ARMC5: variants seen among roughly 807,000 people sequenced by gnomAD.
The protein encoded by ARMC5 is armadillo repeat-containing protein 5.
A neutral mutation model predicts 60.5 loss-of-function variants in ARMC5; 28 were observed. That is an observed-to-expected ratio of 0.46 (90% CI 0.34 to 0.63). ARMC5 has a LOEUF of 0.63. Among genes scored for constraint, ARMC5 ranks in the 30% least tolerant of loss-of-function variants. The pLI is 0.01. For synonymous variants in ARMC5, 680 were observed against 607.3 expected (o/e 1.12, Z -1.76); for missense variants, 1,189 against 1,304.9 (o/e 0.91, Z 1.37).
Position 31,462,382 on chromosome 16 carries a change from C to T in ARMC5, c.835C>T (p.Leu279=). The T allele has an allele frequency of 1.2e-6, 2 of 1,609,308 alleles. No homozygotes were observed. Among genetic ancestry groups the T allele is most frequent in the South Asian group, 2.2e-5 (2 of 90,890 alleles). Reference sequence around the variant, plus strand: ...CCGGGCCTGTGCTGAGCAGCTAAGTCTGGGTGGGGGATTGGGCCCACTCGT... The same window carrying T: ...CCGGGCCTGTGCTGAGCAGCTAAGTTTGGGTGGGGGATTGGGCCCACTCGT... The part of the protein sequence containing the change: ...CSRACAEQLS[L]GGGLGPLVSL... Residue 279 remains leucine (L), a synonymous_variant, in exon 3 of 6, where the codon CTG becomes TTG. Transcript: ENST00000268314. This position sits in a 1 kb window ranked among gnomAD's most constrained non-coding sequence, Gnocchi z 7.2.
At chr16:31,458,757 T>C (rs907248363), upstream of ARMC5, 37 of 1,485,890 alleles carry the variant, frequency 2.5e-5, no homozygotes, top group Admixed American at 6.5e-4. Flanking sequence ...GGGACGCGAA[T>C]GTCCCGCTCC....
In ARMC5 at chr16:31,466,659, C is replaced by T. The variant is rs1221712924; in HGVS notation, c.2578C>T (p.Leu860=). The T allele has an allele frequency of 1.3e-6, 2 of 1,585,154 alleles. No homozygotes were observed. Among genetic ancestry groups the T allele is most frequent in the South Asian group, 1.1e-5 (1 of 87,658 alleles). The change falls in exon 6 of 6, where the codon CTG becomes TTG. Residue 860 remains leucine (L), a synonymous_variant. Coordinates refer to ENST00000268314, the MANE Select transcript of ARMC5 (RefSeq NM_001105247.2). The surrounding 1 kb of genome is among the most constrained non-coding windows in gnomAD (Gnocchi z 8.0). ...GGAAGAGGCCGTGGGCCGCATCCAC[C>T]TGGGACCCCAGGGTGGCCCGGAGTC... ...ELEEAVGRIH[L]GPQGGPESVG...
chr16:31,459,552 G>T lies in ARMC5; in HGVS notation c.28G>T (p.Asp10Tyr). MAAAKPTLT[D>Y]SLSFCLAQLA... ...GGCGGCTGCGAAGCCAACCCTCACGGACTCGCTCTCGTTCTGCCTCGCGCA... is the reference window on the plus strand; with the variant it reads ...GGCGGCTGCGAAGCCAACCCTCACGTACTCGCTCTCGTTCTGCCTCGCGCA... The change falls in exon 1 of 6, where the codon GAC (aspartate) becomes TAC (tyrosine). Residue 10 changes from aspartate (D) to tyrosine (Y), a missense_variant. This residue lies in a region of ARMC5 where 327 missense variants were observed against 233.7 expected (regional missense o/e 1.40). Transcript: ENST00000268314. The T allele has an allele frequency of 6.2e-7, 1 of 1,606,370 alleles. No individual in the cohort carries two copies. Among genetic ancestry groups the T allele is most frequent in the Non-Finnish European group, 8.5e-7 (1 of 1,179,238 alleles).
chr16:31,466,663 G>T lies in ARMC5; in HGVS notation c.2582G>T (p.Gly861Val). The change falls in exon 6 of 6, where the codon GGA (glycine) becomes GTA (valine). Residue 861 changes from glycine (G) to valine (V), a missense_variant. This residue lies in a region of ARMC5 where 862 missense variants were observed against 1,071.2 expected (regional missense o/e 0.80). Transcript: ENST00000268314. This position sits in a 1 kb window ranked among gnomAD's most constrained non-coding sequence, Gnocchi z 8.0. ...GAGGCCGTGGGCCGCATCCACCTGG[G>T]ACCCCAGGGTGGCCCGGAGTCAGTG... The part of the protein sequence containing the change: ...LEEAVGRIHL[G>V]PQGGPESVGE... The T allele has an allele frequency of 6.3e-7, 1 of 1,583,474 alleles. No individual in the cohort carries two copies. Among genetic ancestry groups the T allele is most frequent in the South Asian group, 1.1e-5 (1 of 87,496 alleles).
At chr16:31,459,427 G>C (rs2082277993), upstream of ARMC5, 1 of 1,540,368 alleles carries the variant, frequency 6.5e-7, no homozygotes, top group Non-Finnish European at 8.7e-7. Flanking sequence ...GCGCTAAACA[G>C]CGTCAGCGAG....
rs1293014259 is a variant in ARMC5 at position 31,462,499 on chromosome 16, C to T, written c.952C>T (p.Leu318=). 4 of 1,611,796 alleles carry T rather than the reference C, an allele frequency of 2.5e-6. No homozygotes were observed. The highest frequency in any genetic ancestry group is 2.2e-5 in the East Asian group (1 of 44,874). Residue 318 remains leucine, a synonymous_variant, in exon 3 of 6, where the codon CTG becomes TTG. Transcript: ENST00000268314. The surrounding 1 kb of genome is among the most constrained non-coding windows in gnomAD (Gnocchi z 7.2). ...LCAQGLIRPA[L]GNAGGVEVLV... is the part of the protein sequence containing the mutation. ...TGCCCAGGGCCTGATTCGGCCTGCA[C>T]TGGGCAATGCTGGTGGCGTGGAGGT...
upstream of ARMC5, chr16:31,458,504 A>T: frequency 6.5e-7 from 1 of 1,535,696 alleles, no homozygotes; most frequent in South Asian, 1.2e-5. Context: ...GGACAACGGT[A>T]AGGCTTGTCA....
At chr16:31,458,648 G>A (rs949129231), upstream of ARMC5, 8 of 1,436,666 alleles carry the variant, frequency 5.6e-6, no homozygotes, top group Admixed American at 1.4e-4. Context: ...CAGGGCTAGA[G>A]CCTGACCATT....
At chr16:31,463,543 A>T (rs1440317252) in intron 3 of ARMC5, among the ~76,000 whole-genome samples, 1 of 152,094 alleles carries the variant, frequency 6.6e-6, no homozygotes, top group African/African-American at 2.4e-5. Context: ...TCATGAGCTG[A>T]AGCATCACAG....
chr16:31,465,049 G>T (rs559036715), intron 4 of ARMC5, 162 bp downstream of exon 4: 1 of 1,613,674 alleles, frequency 6.2e-7, no homozygotes, highest in East Asian at 2.2e-5. Flanking sequence ...GGGCGTTCCA[G>T]TCCCTCCATG....
upstream of ARMC5, chr16:31,458,659 T>C: frequency 6.9e-7 from 1 of 1,441,680 alleles, no homozygotes; most frequent in Non-Finnish European, 9.1e-7. Context: ...CCTGACCATT[T>C]TCCGGGCGGG....
chr16:31,458,869 C>A, upstream of ARMC5: 1 of 1,535,548 alleles, frequency 6.5e-7, no homozygotes. Flanking sequence ...AGCTCCTGAG[C>A]TCACGAGCAC....
Position 31,464,556 on chromosome 16 carries a change from C to T in ARMC5, c.1533C>T (p.Pro511=), listed in dbSNP as rs775473200. ...PRTQRTPGRS[P]AAAIEEPWGR... ...CCCAACGCACTCCGGGCCGCAGCCCCGCCGCCGCCATCGAGGAGCCTTGGG... is the reference window on the plus strand; with the variant it reads ...CCCAACGCACTCCGGGCCGCAGCCCTGCCGCCGCCATCGAGGAGCCTTGGG... Residue 511 remains proline (P), a synonymous_variant, in exon 4 of 6, where the codon CCC becomes CCT. Transcript: ENST00000268314. This position sits in a 1 kb window ranked among gnomAD's most constrained non-coding sequence, Gnocchi z 7.6. 9 of 1,583,958 alleles carry T rather than the reference C, an allele frequency of 5.7e-6. No homozygotes were observed. Among genetic ancestry groups the T allele is most frequent in the East Asian group, 2.3e-5 (1 of 43,454 alleles).
At chr16:31,458,588 A>T (rs1420591061), upstream of ARMC5, 4 of 1,471,402 alleles carry the variant, frequency 2.7e-6, no homozygotes, top group African/African-American at 5.6e-5. Context: ...CGGCACTCGC[A>T]GGTTTTGGGG....
At position 31,466,038 on chromosome 16, in the gene ARMC5, G is replaced by A. The variant is rs757441007; in HGVS notation, c.1998-41G>A. The A allele has an allele frequency of 3.1e-6, 5 of 1,592,778 alleles. No homozygotes were observed. Among genetic ancestry groups the A allele is most frequent in the Non-Finnish European group, 4.3e-6 (5 of 1,175,616 alleles). ...GGGGGAGGAGTGCTGTGTTTCCCAG[G>A]CCCGTTGCCCACCTTTTGAAAGGCC... On this transcript the variant is annotated intron_variant, in intron 5 of 5. Coordinates refer to ENST00000268314, the MANE Select transcript of ARMC5 (RefSeq NM_001105247.2). The surrounding 1 kb of genome is among the most constrained non-coding windows in gnomAD (Gnocchi z 8.0).
At chr16:31,459,082 C>T, upstream of ARMC5, 1 of 1,490,476 alleles carries the variant, frequency 6.7e-7, no homozygotes, top group Non-Finnish European at 8.9e-7. Flanking sequence ...GAGTCCGTCC[C>T]AAGGCCGGGC....
At position 31,459,755 on chromosome 16, in the gene ARMC5, G is replaced by A. The variant is rs766946870; in HGVS notation, c.231G>A (p.Ala77=). ...CCCTACTCGCGCTGCTACGGCGAGCGGCTGCAGCGGGTTCCGCCCCGTCCC... is the reference window on the plus strand; with the variant it reads ...CCCTACTCGCGCTGCTACGGCGAGCAGCTGCAGCGGGTTCCGCCCCGTCCC... The part of the protein sequence containing the change: ...LRPLLALLRR[A]AAAGSAPSQA... Residue 77 remains alanine (A), a synonymous_variant, in exon 1 of 6, where the codon GCG becomes GCA. Transcript: ENST00000268314. 2.0e-6 allele frequency: 3 copies of A among 1,535,458 alleles called. No homozygotes were observed. Among genetic ancestry groups the A allele is most frequent in the South Asian group, 1.2e-5 (1 of 84,316 alleles).
chr16:31,466,196 T>G lies in ARMC5; in HGVS notation c.2115T>G (p.Leu705=), dbSNP rs773508420. 4 of 1,612,848 alleles carry G rather than the reference T, an allele frequency of 2.5e-6. No homozygotes were observed. In the South Asian group the frequency reaches 4.4e-5, roughly 18 times the overall value. Residue 705 remains leucine, a synonymous_variant, in exon 6 of 6, where the codon CTT becomes CTG. Coordinates refer to ENST00000268314, the MANE Select transcript of ARMC5 (RefSeq NM_001105247.2). This position sits in a 1 kb window ranked among gnomAD's most constrained non-coding sequence, Gnocchi z 8.0. ...TCCTCTTCTTTGCCGCGGACTCCCT[T>G]TCCTGCCTCCAAGACCTGGTGTCTC... ...PLFLFFAADS[L]SCLQDLVSPT...
chr16:31,462,017 A>G lies in ARMC5; in HGVS notation c.571A>G (p.Ile191Val). 2 of 1,614,160 alleles carry G rather than the reference A, an allele frequency of 1.2e-6. No individual in the cohort carries two copies. The highest frequency in any genetic ancestry group is 1.7e-6 in the Non-Finnish European group (2 of 1,180,004). Reference sequence around the variant, plus strand: ...CATGGAACCTGAGAGCTGTGGGGACATCCACTGTGCTGGTAAGAGGCTGTG... The same window carrying G: ...CATGGAACCTGAGAGCTGTGGGGACGTCCACTGTGCTGGTAAGAGGCTGTG... ...LAMEPESCGD[I>V]HCAGAVPLLV... is the part of the protein sequence containing the mutation. Residue 191 changes from isoleucine (I) to valine (V), a missense_variant, in exon 2 of 6, where the codon ATC becomes GTC. This residue lies in a region of ARMC5 where 862 missense variants were observed against 1,071.2 expected (regional missense o/e 0.80). Coordinates refer to ENST00000268314, the MANE Select transcript of ARMC5 (RefSeq NM_001105247.2). The surrounding 1 kb of genome is among the most constrained non-coding windows in gnomAD (Gnocchi z 7.2).
Sources: gnomAD v4.1 joint callset for allele counts (sites outside exome capture counted in the v4.1 genomes callset) on GRCh38, gnomAD v4.1.1 for gene constraint, gnomAD v4.1.1 regional missense constraint, Gnocchi (gnomAD v3.1) non-coding constraint, MANE v1.5 for transcripts, NCBI Gene and HGNC (gene_info 2026-07-23, HGNC 2026-07-21) for gene names.